GSDMC: variants seen among roughly 807,000 people sequenced by gnomAD.
GSDMC encodes the protein gasdermin-C.
Under a neutral mutation model 58.0 loss-of-function variants are expected in GSDMC, and 59 were observed. The observed-to-expected ratio is 1.02, with a 90% CI of 0.82 to 1.26. The LOEUF (loss-of-function observed/expected upper bound fraction) is 1.26, where lower values mean the gene tolerates loss of function less well. Ranked by LOEUF, GSDMC falls within the 50% of genes most tolerant of loss-of-function variation. The pLI is 0.00. For missense variants in GSDMC, 659 were observed against 598.5 expected (o/e 1.10, Z -1.06); for synonymous variants, 241 against 220.2 (o/e 1.09, Z -0.83).
the GSDMC span, chr8:129,730,034 G>C: frequency 7.9e-7 from 1 of 1,273,724 alleles, no homozygotes. Flanking sequence ...GGATGAGAAG[G>C]AAAAGGAGTA....
chr8:129,726,812 A>C, the GSDMC span, among the ~76,000 whole-genome samples: 2 of 129,330 alleles, frequency 1.5e-5, no homozygotes, highest in Non-Finnish European at 3.1e-5. Context: ...TCCATGACTT[A>C]ATTTCACTTG....
downstream of GSDMC, among the ~76,000 whole-genome samples, chr8:129,747,090 A>C (rs58231662): frequency 0.047 from 7,206 of 151,734 alleles, 225 homozygotes; most frequent in East Asian, 0.057. Flanking sequence ...TCTGTACAAA[A>C]AAAAAAAAAT....
intron 1 of GSDMC, among the ~76,000 whole-genome samples, chr8:129,780,137 A>G (rs1563816231): frequency 6.6e-6 from 1 of 152,294 alleles, no homozygotes; most frequent in East Asian, 1.9e-4. Context: ...ATAGCCTCAA[A>G]AGGGCAATAG....
At chr8:129,785,821 C>A (rs190753710) in intron 1 of GSDMC, among the ~76,000 whole-genome samples, 190 bp downstream of exon 1, 1 of 151,810 alleles carries the variant, frequency 6.6e-6, no homozygotes, top group East Asian at 1.9e-4. Context: ...AATAATGTAT[C>A]GAAGATATAT....
At chr8:129,767,473 T>A (rs1454389622) in intron 3 of GSDMC, among the ~76,000 whole-genome samples, 1 of 152,072 alleles carries the variant, frequency 6.6e-6, no homozygotes, top group African/African-American at 2.4e-5. Flanking sequence ...CCCTGCCTCA[T>A]GAAGGAGCCT....
chr8:129,784,937 G>A (rs1055044735), intron 1 of GSDMC, among the ~76,000 whole-genome samples: 1 of 152,064 alleles, frequency 6.6e-6, no homozygotes, highest in Admixed American at 6.5e-5. Flanking sequence ...GATTGGCTGG[G>A]TGCGGTGGCT....
the GSDMC span, among the ~76,000 whole-genome samples, chr8:129,725,360 TTTTC>T: frequency 6.6e-6 from 1 of 152,212 alleles, no homozygotes; most frequent in Non-Finnish European, 1.5e-5. Context: ...TCATGCGTTC[TTTTC>T]TTTCTAACAG....
intron 4 of GSDMC, among the ~76,000 whole-genome samples, chr8:129,763,794 G>A (rs573020500): frequency 6.6e-5 from 10 of 152,190 alleles, no homozygotes; most frequent in African/African-American, 2.2e-4. Context: ...TGCCCAGGCT[G>A]GTGTTGAACT....
intron 4 of GSDMC, 60 bp from the exon 5 acceptor site, chr8:129,762,791 C>T: frequency 9.0e-7 from 1 of 1,110,846 alleles, no homozygotes; most frequent in Non-Finnish European, 1.4e-6. Context: ...GGTCAGATGG[C>T]TCTAGAAAGC....
the GSDMC span, among the ~76,000 whole-genome samples, chr8:129,742,364 C>G: frequency 1.3e-5 from 2 of 152,094 alleles, no homozygotes; most frequent in Non-Finnish European, 2.9e-5. Context: ...ATCAAAATAT[C>G]ACATTTTGCC....
Position 129,752,723 on chromosome 8 carries a change from T to A in GSDMC, c.819A>T (p.Ser273=). Residue 273 remains serine, a synonymous_variant, in exon 7 of 14, where the codon TCA becomes TCT. Coordinates refer to ENST00000276708, the MANE Select transcript of GSDMC (RefSeq NM_031415.3). ...CTGGTTTTAACTTCATATCATTGGA[T>A]GAGGCATTGAAGAGGGTTGGAGAGA... ...HTISPTLFNA[S]SNDMKLKPEL... 1 of 1,614,206 alleles carries A rather than the reference T, an allele frequency of 6.2e-7. No homozygotes were observed. The highest frequency in any genetic ancestry group is 8.5e-7 in the Non-Finnish European group (1 of 1,180,024).
the GSDMC span, chr8:129,707,149 A>G: frequency 6.6e-6 from 1 of 151,506 alleles, no homozygotes; most frequent in Non-Finnish European, 1.5e-5. Context: ...GATCAGATGG[A>G]AAGAACCAAA....
At position 129,765,638 on chromosome 8, in the gene GSDMC, G is replaced by A; in HGVS notation, c.560C>T (p.Thr187Ile). The A allele has an allele frequency of 6.2e-7, 1 of 1,612,650 alleles. No individual in the cohort carries two copies. Among genetic ancestry groups the A allele is most frequent in the African/African-American group, 1.3e-5 (1 of 74,978 alleles). The change falls in exon 4 of 14, where the codon ACC becomes ATC. Residue 187 changes from threonine (T) to isoleucine (I), a missense_variant. Coordinates refer to ENST00000276708, the MANE Select transcript of GSDMC (RefSeq NM_031415.3). ...NILGKIALWI[T>I]YGKGQGQGES... ...AGGACAACTTTATACCTTGCCATAG[G>A]TAATCCAAAGAGCAATTTTCCCTAA...
intron 1 of GSDMC, among the ~76,000 whole-genome samples, chr8:129,782,564 G>A (rs904056083): frequency 2.0e-5 from 3 of 152,038 alleles, no homozygotes; most frequent in Non-Finnish European, 2.9e-5. Context: ...AGGATTATTG[G>A]CAGCTACTAT....
chr8:129,772,288 C>T (rs73406828), intron 3 of GSDMC, among the ~76,000 whole-genome samples: 14,307 of 146,442 alleles, frequency 0.098, 2,439 homozygotes, highest in African/African-American at 0.34. Context: ...AAGATTAGAG[C>T]AGAATAAATT....
the GSDMC span, chr8:129,728,656 A>G: frequency 1.0e-5 from 3 of 286,068 alleles, no homozygotes; most frequent in South Asian, 9.8e-5. Flanking sequence ...TTCTGCTAGT[A>G]AACAAGGATC....
At chr8:129,720,109 A>G in the GSDMC span, among the ~76,000 whole-genome samples, 3 of 152,244 alleles carry the variant, frequency 2.0e-5, no homozygotes, top group Non-Finnish European at 4.4e-5. Flanking sequence ...TGTAACTATT[A>G]TAATGTGCTC....
intron 6 of GSDMC, among the ~76,000 whole-genome samples, chr8:129,759,432 C>A (rs958537910): frequency 6.6e-6 from 1 of 152,128 alleles, no homozygotes; most frequent in African/African-American, 2.4e-5. Context: ...ACACAACCCA[C>A]AGAATCTGAG....
chr8:129,766,400 G>A (rs945923249), intron 3 of GSDMC, among the ~76,000 whole-genome samples: 10 of 152,154 alleles, frequency 6.6e-5, no homozygotes, highest in African/African-American at 2.4e-4. Flanking sequence ...TCTTTCTGAA[G>A]TTCAACCTTG....
Sources: gnomAD v4.1 joint callset for allele counts (sites outside exome capture counted in the v4.1 genomes callset) on GRCh38, gnomAD v4.1.1 for gene constraint, MANE v1.5 for transcripts, NCBI Gene and HGNC (gene_info 2026-07-23, HGNC 2026-07-21) for gene names.